Variants in ABLIM1 observed in about 807,000 individuals in gnomAD.
The protein encoded by ABLIM1 is actin binding LIM protein 1, also known as actin-binding LIM protein 1.
In ABLIM1, 40 loss-of-function variants were observed where a neutral mutation model predicts 107.0. The observed-to-expected ratio is 0.37, with a 90% CI of 0.29 to 0.49. The LOEUF is 0.49. Among genes scored for constraint, ABLIM1 ranks in the 20% least tolerant of loss-of-function variants. The pLI is 0.97. For missense variants in ABLIM1, 857 were observed against 1,008.5 expected (o/e 0.85, Z 2.04); for synonymous variants, 357 against 357.3 (o/e 1.00, Z 0.01).
chr10:114,475,586 C>A lies in ABLIM1; in HGVS notation c.1042-1630G>T, dbSNP rs1344421708. Among the ~76,000 whole-genome samples the A allele has an allele frequency of 2.0e-5, 3 of 152,154 alleles. No homozygotes were observed. In the East Asian group the frequency reaches 5.8e-4, roughly 29 times the overall value. On this transcript the variant is annotated intron_variant, in intron 8 of 22. Transcript: ENST00000533213. ...TGAGCTAGAATTTATTACTTGTAAACAAATACTTAGTTTGCAGACACTTGA... is the reference window on the plus strand; with the variant it reads ...TGAGCTAGAATTTATTACTTGTAAAAAAATACTTAGTTTGCAGACACTTGA...
chr10:114,677,900 TTCATTCTA>T (rs1429416475), intron 1 of ABLIM1, among the ~76,000 whole-genome samples: 1 of 152,220 alleles, frequency 6.6e-6, no homozygotes, highest in Non-Finnish European at 1.5e-5. Context: ...TATTCCAGGC[TTCATTCTA>T]TCTCCAAACA....
intron 1 of ABLIM1, among the ~76,000 whole-genome samples, chr10:114,674,546 G>T (rs1285145633): frequency 1.3e-5 from 2 of 152,150 alleles, no homozygotes; most frequent in Admixed American, 6.6e-5. Flanking sequence ...CCACGAAGTT[G>T]GGAAAATGTT....
intron 13 of ABLIM1, 33 bp from the exon 14 acceptor site, chr10:114,451,704 T>C (rs1589810932): frequency 1.3e-6 from 2 of 1,580,502 alleles, no homozygotes; most frequent in Non-Finnish European, 1.7e-6. Context: ...TGTGTGATTA[T>C]GGGAACCAGT....
chr10:114,651,320 A>G (rs141912142), intron 1 of ABLIM1, among the ~76,000 whole-genome samples: 145 of 152,322 alleles, frequency 9.5e-4, no homozygotes, highest in African/African-American at 3.4e-3. Flanking sequence ...GGAGAAGCTT[A>G]TAAACAGGCA....
chr10:114,512,135 G>A (rs921366782), intron 6 of ABLIM1, among the ~76,000 whole-genome samples: 6 of 152,206 alleles, frequency 3.9e-5, no homozygotes, highest in South Asian at 2.1e-4. Context: ...TTCCTGGGGG[G>A]AAGCTGCTTA....
intron 10 of ABLIM1, among the ~76,000 whole-genome samples, chr10:114,468,432 C>T (rs2065706396): frequency 6.6e-6 from 1 of 152,034 alleles, no homozygotes; most frequent in Non-Finnish European, 1.5e-5. Flanking sequence ...CGCCACCACC[C>T]CCAGCTACTT....
intron 1 of ABLIM1, among the ~76,000 whole-genome samples, chr10:114,708,399 T>C (rs1336551347): frequency 6.6e-6 from 1 of 152,100 alleles, no homozygotes; most frequent in Non-Finnish European, 1.5e-5. Context: ...AGTGTCCCAG[T>C]TCCCTCCTCC....
At chr10:114,439,946 T>A in intron 20 of ABLIM1, 136 bp downstream of exon 20, 1 of 1,459,584 alleles carries the variant, frequency 6.9e-7, no homozygotes, top group South Asian at 1.2e-5. Flanking sequence ...TTCACGGCTA[T>A]AGAGTAATGA....
chr10:114,500,699 A>AG (rs1427225918), intron 6 of ABLIM1, among the ~76,000 whole-genome samples: 1 of 146,200 alleles, frequency 6.8e-6, no homozygotes, highest in Non-Finnish European at 1.5e-5. Context: ...AAAAAAAAAA[A>AG]AAGAAAGAGA....
chr10:114,448,604 TTTATTATTA>T (rs60805531), intron 14 of ABLIM1, among the ~76,000 whole-genome samples: 3 of 149,746 alleles, frequency 2.0e-5, no homozygotes, highest in Non-Finnish European at 3.0e-5. Flanking sequence ...AGATCATTCT[TTTATTATTA>T]TTATTATTAT....
intron 20 of ABLIM1, chr10:114,439,585 T>C (rs1002399288): frequency 5.0e-6 from 2 of 403,158 alleles, no homozygotes; most frequent in Non-Finnish European, 9.0e-6. Flanking sequence ...TTCTATGCAT[T>C]TTTCTTCTTT....
intron 1 of ABLIM1, among the ~76,000 whole-genome samples, chr10:114,602,828 A>G (rs2076124533): frequency 6.6e-6 from 1 of 152,120 alleles, no homozygotes; most frequent in African/African-American, 2.4e-5. Context: ...AGAGACTAGA[A>G]GTTATTGTGA....
chr10:114,617,256 C>CTTTTT (rs780987027), intron 1 of ABLIM1, among the ~76,000 whole-genome samples: 20 of 120,464 alleles, frequency 1.7e-4, no homozygotes, highest in East Asian at 2.4e-4. Flanking sequence ...TCACTACCTA[C>CTTTTT]TTTTTTTTTT....
In ABLIM1 at chr10:114,629,041, A is replaced by G. The variant is rs1331266154; in HGVS notation, c.245-27080T>C. On this transcript the variant is annotated intron_variant, in intron 1 of 22. Transcript: ENST00000533213. The surrounding 1 kb of genome is among the most constrained non-coding windows in gnomAD (Gnocchi z 4.0). ...ACATAAGAGAAATAACCATTTCATCAAGATTCCGGAATCAATAAGTGTCTG... is the reference window on the plus strand; with the variant it reads ...ACATAAGAGAAATAACCATTTCATCGAGATTCCGGAATCAATAAGTGTCTG... 6.6e-6 allele frequency among the ~76,000 whole-genome samples: 1 copy of G among 152,174 alleles called. No homozygotes were observed. Among genetic ancestry groups the G allele is most frequent in the African/African-American group, 2.4e-5 (1 of 41,456 alleles).
intron 1 of ABLIM1, among the ~76,000 whole-genome samples, chr10:114,755,671 C>T (rs7080890): frequency 0.45 from 68,681 of 152,014 alleles, 16,254 homozygotes; most frequent in Non-Finnish European, 0.51. Flanking sequence ...ATGACATTAT[C>T]GGTCCAATTA....
intron 6 of ABLIM1, among the ~76,000 whole-genome samples, chr10:114,504,308 G>A (rs1281278255): frequency 1.3e-5 from 2 of 152,060 alleles, no homozygotes; most frequent in African/African-American, 4.8e-5. Flanking sequence ...GCCTGTCTGT[G>A]GGCTAAGAAA....
At chr10:114,468,931 A>G (rs893540160) in intron 10 of ABLIM1, among the ~76,000 whole-genome samples, 8 of 151,864 alleles carry the variant, frequency 5.3e-5, no homozygotes, top group African/African-American at 1.9e-4. Flanking sequence ...GGGCGCCTGT[A>G]GTCCCAGCTA....
At chr10:114,580,854 G>T (rs1253799125) in intron 2 of ABLIM1, among the ~76,000 whole-genome samples, 1 of 152,134 alleles carries the variant, frequency 6.6e-6, no homozygotes, top group Non-Finnish European at 1.5e-5. Flanking sequence ...TACTTTGGGT[G>T]CTCCATTAGT....
At chr10:114,528,175 G>A (rs1210505309) in intron 6 of ABLIM1, among the ~76,000 whole-genome samples, 2 of 151,932 alleles carry the variant, frequency 1.3e-5, no homozygotes, top group Non-Finnish European at 2.9e-5. Flanking sequence ...TCACTATGTT[G>A]CCCAGGCTGG....
Sources: gnomAD v4.1 joint callset for allele counts (sites outside exome capture counted in the v4.1 genomes callset) on GRCh38, gnomAD v4.1.1 for gene constraint, Gnocchi (gnomAD v3.1) non-coding constraint, MANE v1.5 for transcripts, NCBI Gene and HGNC (gene_info 2026-07-23, HGNC 2026-07-21) for gene names.